The following WDR72 variants were observed in gnomAD, a reference collection of about 807,000 sequenced individuals.
The protein encoded by WDR72 is WD repeat-containing protein 72.
WDR72 carries 120 observed loss-of-function variants against 124.2 expected under a neutral mutation model. That is an observed-to-expected ratio of 0.97 (90% CI 0.83 to 1.12). WDR72 has a LOEUF of 1.12. Among genes scored for constraint, WDR72 ranks in the 50% most tolerant of loss-of-function variants. The pLI, the probability that WDR72 is intolerant of heterozygous loss-of-function variation, is 0.00. For missense variants in WDR72, 1,387 were observed against 1,278.8 expected, an observed-to-expected ratio of 1.08 and a Z score of -1.29; for synonymous variants, 452 against 441.7, an observed-to-expected ratio of 1.02 and a Z score of -0.29.
chr15:53,691,772 G>C (rs1007520221), intron 13 of WDR72, among the ~76,000 whole-genome samples: 7 of 152,150 alleles, frequency 4.6e-5, no homozygotes, highest in African/African-American at 1.7e-4. Flanking sequence ...TTACCATGAG[G>C]AAACTAGGGC....
chr15:53,620,573 G>A (rs1453898263), intron 14 of WDR72, among the ~76,000 whole-genome samples: 1 of 152,028 alleles, frequency 6.6e-6, no homozygotes, highest in Non-Finnish European at 1.5e-5. Flanking sequence ...AACAAATGGT[G>A]CTGGGATAAT....
At chr15:53,517,789 G>C in intron 19 of WDR72, 35 bp from the exon 20 acceptor site, 1 of 1,604,832 alleles carries the variant, frequency 6.2e-7, no homozygotes. Flanking sequence ...GTTATATGGT[G>C]AAATCTAAAA....
chr15:53,570,491 A>T (rs1045841582), intron 18 of WDR72, among the ~76,000 whole-genome samples: 1 of 152,218 alleles, frequency 6.6e-6, no homozygotes, highest in East Asian at 1.9e-4. Flanking sequence ...AAAAATGCTC[A>T]ACATTACTAA....
chr15:53,571,530 T>G (rs1020268651), intron 18 of WDR72, among the ~76,000 whole-genome samples: 1 of 152,174 alleles, frequency 6.6e-6, no homozygotes, highest in Admixed American at 6.6e-5. Context: ...TTCATTGATG[T>G]TGTTGCAAAT....
intron 18 of WDR72, among the ~76,000 whole-genome samples, chr15:53,591,774 T>C (rs148747245): frequency 6.6e-6 from 1 of 151,900 alleles, no homozygotes; most frequent in East Asian, 1.9e-4. Flanking sequence ...GGCAATGCCA[T>C]TTACATCTTG....
In WDR72 at chr15:53,604,983, A is replaced by C. The variant is rs148998503; in HGVS notation, c.2952+4530T>G. On this transcript the variant is annotated intron_variant, in intron 17 of 19. Transcript: ENST00000360509. ...TACCACTCAACCCAACAATCCCATT[A>C]GTGGATATATACCCAAAGGAATATA... is the stretch of plus-strand genomic sequence containing the variant. 2.6e-3 allele frequency among the ~76,000 whole-genome samples: 401 copies of C among 152,330 alleles called. 6 individuals are homozygous for C. Among genetic ancestry groups the C allele is most frequent in the African/African-American group, 9.2e-3 (383 of 41,570 alleles).
chr15:53,598,418 A>T (rs1201852321), intron 17 of WDR72, among the ~76,000 whole-genome samples: 1 of 152,070 alleles, frequency 6.6e-6, no homozygotes, highest in East Asian at 1.9e-4. Flanking sequence ...ATATGAGACA[A>T]CACCGAGAGT....
At chr15:53,712,956 C>G in intron 6 of WDR72, 65 bp from the exon 7 acceptor site, 1 of 1,574,554 alleles carries the variant, frequency 6.4e-7, no homozygotes, top group African/African-American at 1.4e-5. Context: ...CATGAGAAGA[C>G]CTGCTTCCCG....
intron 14 of WDR72, among the ~76,000 whole-genome samples, chr15:53,662,188 A>T (rs946030209): frequency 6.6e-6 from 1 of 152,192 alleles, no homozygotes; most frequent in African/African-American, 2.4e-5. Flanking sequence ...TAAGAAAAGC[A>T]GTTCCCCATC....
At position 53,616,083 on chromosome 15, in the gene WDR72, T is replaced by C. The variant is rs372698012; in HGVS notation, c.2123A>G (p.Tyr708Cys). ...GGCTCTTCTCAGGACCTCACCACCA[T>C]AGAATGAACTGGAAGAGTCAACATC... ...LSDVDSSSSF[Y>C]GGEVLRRAKS... Residue 708 changes from tyrosine (Y) to cysteine (C), a missense_variant, in exon 15 of 20, where the codon TAT (tyrosine) becomes TGT (cysteine). Physicochemically the swap from Tyr to Cys is radical, Grantham distance 194. Transcript: ENST00000360509. 13 of 1,606,840 alleles carry C rather than the reference T, an allele frequency of 8.1e-6. No individual in the cohort carries two copies. The highest frequency in any genetic ancestry group is 2.2e-5 in the East Asian group (1 of 44,748).
intron 13 of WDR72, among the ~76,000 whole-genome samples, chr15:53,671,922 G>A (rs2016003054): frequency 6.6e-6 from 1 of 151,740 alleles, no homozygotes; most frequent in Non-Finnish European, 1.5e-5. Flanking sequence ...AGGAAGAAAG[G>A]GGAAGAGAAA....
chr15:53,737,265 A>G (rs961445468), intron 1 of WDR72, among the ~76,000 whole-genome samples: 9 of 152,204 alleles, frequency 5.9e-5, no homozygotes, highest in Admixed American at 5.2e-4. Flanking sequence ...TATCAAAGGA[A>G]CACAGAAGTC....
intron 17 of WDR72, among the ~76,000 whole-genome samples, chr15:53,597,509 C>A (rs937995885): frequency 6.6e-6 from 1 of 152,056 alleles, no homozygotes; most frequent in African/African-American, 2.4e-5. Context: ...ACTTGAGGGG[C>A]ATTTTTTAAA....
intron 11 of WDR72, 41 bp downstream of exon 11, chr15:53,704,947 T>C (rs747583889): frequency 1.9e-6 from 3 of 1,609,828 alleles, no homozygotes; most frequent in Non-Finnish European, 2.5e-6. Context: ...ATTGCAGCTT[T>C]AGATAAATCA....
chr15:53,665,830 G>C lies in WDR72; in HGVS notation c.1766-62C>G. On this transcript the variant is annotated intron_variant, in intron 13 of 19. Coordinates refer to ENST00000360509, the MANE Select transcript of WDR72 (RefSeq NM_182758.4). ...ATATTTACCCCAACAGAATAAGACA[G>C]AACAAACACTCTTTAGCAGAAGAAT... is the stretch of plus-strand genomic sequence containing the variant. The C allele has an allele frequency of 6.1e-6, 9 of 1,486,362 alleles. No homozygotes were observed. The South Asian group carries it at 1.0e-4, about 17-fold the overall frequency. 92.1% of individuals were successfully genotyped at this position (1,486,362 alleles called of 1,614,324 possible).
chr15:53,724,254 T>C (rs1321210236), intron 2 of WDR72, among the ~76,000 whole-genome samples: 1 of 152,192 alleles, frequency 6.6e-6, no homozygotes, highest in Non-Finnish European at 1.5e-5. Flanking sequence ...TACTACTATA[T>C]GGTATACTTC....
At chr15:53,586,196 C>A (rs1289178743) in intron 18 of WDR72, among the ~76,000 whole-genome samples, 1 of 151,958 alleles carries the variant, frequency 6.6e-6, no homozygotes, top group Non-Finnish European at 1.5e-5. Flanking sequence ...ACCAGCTGGA[C>A]AACAGACCAG....
intron 18 of WDR72, among the ~76,000 whole-genome samples, chr15:53,545,636 T>G (rs1336725053): frequency 2.0e-5 from 3 of 150,096 alleles, no homozygotes; most frequent in Middle Eastern, 7.0e-3. Flanking sequence ...CCAAAAGCAA[T>G]GGCAACAAAA....
At chr15:53,592,391 A>G (rs959558839) in intron 18 of WDR72, among the ~76,000 whole-genome samples, 19 of 152,064 alleles carry the variant, frequency 1.2e-4, no homozygotes, top group African/African-American at 4.6e-4. Context: ...CCTTTCCACA[A>G]GTAGATATCC....
Sources: allele counts gnomAD v4.1 joint callset (sites outside exome capture counted in the v4.1 genomes callset), GRCh38; gene constraint gnomAD v4.1.1; transcripts MANE v1.5; gene names NCBI Gene and HGNC (gene_info 2026-07-23, HGNC 2026-07-21).